Variants in PRELID2 observed in about 807,000 individuals in gnomAD.
The protein encoded by PRELID2 is PRELI domain containing 2, also known as PRELI domain-containing protein 2.
In PRELID2, 25 loss-of-function variants were observed where a neutral mutation model predicts 28.4. That is an observed-to-expected ratio of 0.88 (90% confidence interval 0.64 to 1.23). PRELID2 has a LOEUF of 1.23. Among genes scored for constraint, PRELID2 ranks in the 50% most tolerant of loss-of-function variants. The pLI is 0.00. For synonymous variants in PRELID2, 76 were observed against 71.6 expected (o/e 1.06, Z -0.31); for missense variants, 201 against 214.4 (o/e 0.94, Z 0.39).
chr5:145,634,342 A>C (rs1753972146), intron 1 of PRELID2, among the ~76,000 whole-genome samples: 1 of 152,124 alleles, frequency 6.6e-6, no homozygotes, highest in South Asian at 2.1e-4. Context: ...TTCAGGATAA[A>C]AATCCAGACT....
chr5:145,336,909 C>T, the PRELID2 span, among the ~76,000 whole-genome samples: 1 of 134,054 alleles, frequency 7.5e-6, no homozygotes, highest in East Asian at 2.2e-4. Flanking sequence ...GGGAATTGAA[C>T]AATGAGAACA....
chr5:145,400,570 C>T, the PRELID2 span, among the ~76,000 whole-genome samples: 26 of 152,116 alleles, frequency 1.7e-4, no homozygotes, highest in African/African-American at 5.1e-4. Context: ...TGACTAATTC[C>T]GAGGTAGCAG....
the PRELID2 span, among the ~76,000 whole-genome samples, chr5:145,453,433 A>G: frequency 2.0e-5 from 3 of 152,034 alleles, no homozygotes; most frequent in African/African-American, 4.8e-5. Flanking sequence ...AGAACCACCA[A>G]CGGTTTCCCA....
chr5:145,767,070 T>C (rs1180616764), intron 5 of PRELID2, among the ~76,000 whole-genome samples: 2 of 152,106 alleles, frequency 1.3e-5, no homozygotes, highest in African/African-American at 4.8e-5. Context: ...AAAGTCAGAA[T>C]ATACATTCCC....
chr5:145,390,466 A>T, the PRELID2 span, among the ~76,000 whole-genome samples: 1 of 152,158 alleles, frequency 6.6e-6, no homozygotes, highest in Non-Finnish European at 1.5e-5. Flanking sequence ...TGAAGCGGGG[A>T]AGCCCCTTAT....
At chr5:145,834,395 G>A (rs377185865) in intron 1 of PRELID2, among the ~76,000 whole-genome samples, 1 of 152,102 alleles carries the variant, frequency 6.6e-6, no homozygotes, top group African/African-American at 2.4e-5. Flanking sequence ...GTGATACAAA[G>A]AACAATGTAC....
chr5:145,772,300 T>C (rs1758157585), intron 5 of PRELID2, among the ~76,000 whole-genome samples: 1 of 151,980 alleles, frequency 6.6e-6, no homozygotes, highest in South Asian at 2.1e-4. Context: ...GGCTCAAGAA[T>C]CCAGGACCCT....
intron 1 of PRELID2, among the ~76,000 whole-genome samples, chr5:145,640,337 G>C (rs1273571593): frequency 6.6e-6 from 1 of 151,932 alleles, no homozygotes; most frequent in East Asian, 1.9e-4. Context: ...TTAGCCGGGC[G>C]TGGTGGCGGG....
chr5:145,637,774 A>G (rs915429807), intron 1 of PRELID2, among the ~76,000 whole-genome samples: 4 of 151,656 alleles, frequency 2.6e-5, no homozygotes, highest in African/African-American at 9.7e-5. Context: ...CAAAGTCTTA[A>G]TGTTAATGTC....
At chr5:145,376,255 T>G in the PRELID2 span, among the ~76,000 whole-genome samples, 2 of 152,218 alleles carry the variant, frequency 1.3e-5, no homozygotes, top group Non-Finnish European at 2.9e-5. Context: ...TACTTGATCT[T>G]GATGGATAAG....
the PRELID2 span, among the ~76,000 whole-genome samples, chr5:145,367,294 CTT>C: frequency 6.6e-6 from 1 of 151,864 alleles, no homozygotes; most frequent in African/African-American, 2.4e-5. Flanking sequence ...TTTAAGTAGA[CTT>C]TATTTTTTAG....
At chr5:145,408,987 T>C in the PRELID2 span, among the ~76,000 whole-genome samples, 151 of 152,200 alleles carry the variant, frequency 9.9e-4, no homozygotes, top group African/African-American at 3.5e-3. Context: ...AGGTAACCTA[T>C]ACAGAAAAAC....
chr5:145,806,544 T>G (rs992143490), intron 4 of PRELID2, among the ~76,000 whole-genome samples: 1 of 152,224 alleles, frequency 6.6e-6, no homozygotes, highest in Admixed American at 6.5e-5. Flanking sequence ...TTTTAAAATA[T>G]TTTATAAGTT....
At chr5:145,776,722 G>T (rs974869996) in intron 5 of PRELID2, among the ~76,000 whole-genome samples, 5 of 152,194 alleles carry the variant, frequency 3.3e-5, no homozygotes, top group African/African-American at 1.2e-4. Context: ...AGACACTGAA[G>T]AAATAGATGT....
chr5:145,613,479 G>A (rs903471582), intron 1 of PRELID2, among the ~76,000 whole-genome samples: 6 of 121,960 alleles, frequency 4.9e-5, no homozygotes, highest in Admixed American at 1.1e-4. Flanking sequence ...GCTATGTGAT[G>A]TTCCCCTTCC....
At chr5:145,306,419 AATAATTCCATTAATTAC>A in the PRELID2 span, among the ~76,000 whole-genome samples, 4 of 152,146 alleles carry the variant, frequency 2.6e-5, no homozygotes, top group Admixed American at 2.6e-4. Context: ...AATTTGATTT[AATAATTCCATTAATTAC>A]AATGGCATTA....
chr5:145,666,548 T>C (rs1754598865), intron 1 of PRELID2, among the ~76,000 whole-genome samples: 1 of 152,106 alleles, frequency 6.6e-6, no homozygotes, highest in Non-Finnish European at 1.5e-5. Flanking sequence ...TTTGCATCTT[T>C]TCCCCACCAA....
intron 1 of PRELID2, among the ~76,000 whole-genome samples, chr5:145,552,778 A>G (rs1752847418): frequency 6.6e-6 from 1 of 152,174 alleles, no homozygotes; most frequent in African/African-American, 2.4e-5. Flanking sequence ...ACTGTATCAT[A>G]CCTCTGTCAA....
the PRELID2 span, among the ~76,000 whole-genome samples, chr5:145,390,613 G>T: frequency 6.6e-6 from 1 of 152,072 alleles, no homozygotes; most frequent in Non-Finnish European, 1.5e-5. Context: ...TTTGGGTGGG[G>T]ACAGAGCCAA....
Sources: allele counts gnomAD v4.1 joint callset (sites outside exome capture counted in the v4.1 genomes callset), GRCh38; gene constraint gnomAD v4.1.1; transcripts MANE v1.5; gene names NCBI Gene and HGNC (gene_info 2026-07-23, HGNC 2026-07-21).